The following ADCY8 variants were observed in gnomAD, a reference collection of about 807,000 sequenced individuals.
ADCY8 encodes the protein adenylate cyclase 8, also known as adenylate cyclase type 8.
A neutral mutation model predicts 119.7 loss-of-function variants in ADCY8; 51 were observed. The observed-to-expected ratio is 0.43, with a 90% CI of 0.34 to 0.54. The LOEUF is 0.54. ADCY8 is among the 20% of genes least tolerant of loss of function. The pLI, the probability that ADCY8 is intolerant of heterozygous loss-of-function variation, is 0.03. For missense variants in ADCY8, 1,383 were observed against 1,598.8 expected, an observed-to-expected ratio of 0.87 and a Z score of 2.30; for synonymous variants, 665 against 651.0, an observed-to-expected ratio of 1.02 and a Z score of -0.33.
chr8:130,934,606 A>G (rs1210560068), intron 5 of ADCY8, among the ~76,000 whole-genome samples: 1 of 152,180 alleles, frequency 6.6e-6, no homozygotes, highest in African/African-American at 2.4e-5. Flanking sequence ...TATTATTACA[A>G]TTCATCCTAG....
intron 11 of ADCY8, among the ~76,000 whole-genome samples, chr8:130,837,571 T>C (rs1817027263): frequency 6.6e-6 from 1 of 152,226 alleles, no homozygotes. Context: ...AGAGCTGGAA[T>C]ATTAGAGTAG....
chr8:130,935,875 C>T (rs180879198), intron 5 of ADCY8, among the ~76,000 whole-genome samples: 1 of 152,258 alleles, frequency 6.6e-6, no homozygotes, highest in African/African-American at 2.4e-5. Context: ...ATCTGTGAAG[C>T]TACATTTTGA....
chr8:130,994,151 G>C (rs1428979306), intron 1 of ADCY8, among the ~76,000 whole-genome samples: 2 of 152,210 alleles, frequency 1.3e-5, no homozygotes, highest in South Asian at 4.1e-4. Flanking sequence ...AATGATATTG[G>C]CTATTGTTTC....
intron 1 of ADCY8, among the ~76,000 whole-genome samples, chr8:131,029,648 T>G (rs1823934871): frequency 6.6e-6 from 1 of 152,242 alleles, no homozygotes; most frequent in Non-Finnish European, 1.5e-5. Flanking sequence ...TTAAATGATC[T>G]GGATAATTAC....
intron 13 of ADCY8, among the ~76,000 whole-genome samples, chr8:130,820,893 T>G (rs1586447465): frequency 6.6e-6 from 1 of 152,310 alleles, no homozygotes. Context: ...ACTAATTTAT[T>G]TTAGAGTTGA....
chr8:130,970,599 C>T (rs944037701), intron 2 of ADCY8, among the ~76,000 whole-genome samples: 2 of 152,312 alleles, frequency 1.3e-5, no homozygotes, highest in East Asian at 1.9e-4. Context: ...TCCCCCTCCA[C>T]CCTGGTGTGT....
intron 3 of ADCY8, among the ~76,000 whole-genome samples, chr8:130,950,038 C>T (rs942834346): frequency 7.2e-5 from 11 of 152,190 alleles, no homozygotes; most frequent in African/African-American, 2.4e-4. Flanking sequence ...AATTTTAAAA[C>T]GCGTGTTCCT....
intron 15 of ADCY8, among the ~76,000 whole-genome samples, chr8:130,799,705 GC>G (rs1815706390): frequency 6.6e-6 from 1 of 152,212 alleles, no homozygotes; most frequent in South Asian, 2.1e-4. Flanking sequence ...CAAAAGCCTG[GC>G]CCCCTGCCTC....
rs188352268 is a variant in ADCY8, at chr8:130,958,992, C to T, written c.1111-6994G>A. On this transcript the variant is annotated intron_variant, in intron 2 of 17. Coordinates refer to ENST00000286355, the MANE Select transcript of ADCY8 (RefSeq NM_001115.3). Reference sequence around the variant, plus strand: ...AGAATAACACCTGGTTTATATAGGGCCTCAATATATATTTGTTGTAGGATT... The same window carrying T: ...AGAATAACACCTGGTTTATATAGGGTCTCAATATATATTTGTTGTAGGATT... 7.2e-3 allele frequency among the ~76,000 whole-genome samples: 1,092 copies of T among 152,192 alleles called. 18 individuals are homozygous for T. Among genetic ancestry groups the T allele is most frequent in the African/African-American group, 0.024 (1,012 of 41,516 alleles).
intron 5 of ADCY8, among the ~76,000 whole-genome samples, chr8:130,918,180 C>T (rs149315390): frequency 7.2e-5 from 11 of 152,304 alleles, no homozygotes; most frequent in African/African-American, 2.4e-4. Flanking sequence ...ATGGCATAAA[C>T]AAGAGGAATG....
At chr8:130,943,040 G>A (rs1218874777) in intron 4 of ADCY8, among the ~76,000 whole-genome samples, 2 of 152,180 alleles carry the variant, frequency 1.3e-5, no homozygotes, top group Non-Finnish European at 2.9e-5. Flanking sequence ...GCTGCAGCTG[G>A]ATGGCACCTG....
chr8:130,811,653 AG>A lies in ADCY8; in HGVS notation c.2913+2415del, dbSNP rs1220304458. Among the ~76,000 whole-genome samples, 6 of 152,342 alleles carry A rather than the reference AG, an allele frequency of 3.9e-5. No homozygotes were observed. In the East Asian group the frequency reaches 1.2e-3, roughly 29 times the overall value. The stretch of plus-strand genomic sequence containing the variant: ...CTTTCCCAAGTTAAATGCCTCAGCA[AG>A]GGAGCCCACTACTCCAGTTCATCCA... On this transcript the variant is annotated intron_variant, in intron 14 of 17. Transcript: ENST00000286355.
At chr8:130,979,964 A>G (rs1822189447) in intron 2 of ADCY8, among the ~76,000 whole-genome samples, 1 of 152,158 alleles carries the variant, frequency 6.6e-6, no homozygotes, top group African/African-American at 2.4e-5. Context: ...AACAATAGAA[A>G]TGTATTCTCC....
intron 11 of ADCY8, among the ~76,000 whole-genome samples, chr8:130,838,402 G>T (rs908807162): frequency 1.3e-5 from 2 of 152,172 alleles, no homozygotes; most frequent in Non-Finnish European, 2.9e-5. Flanking sequence ...TCTTGGGGAA[G>T]ATTTTTAGGT....
intron 5 of ADCY8, among the ~76,000 whole-genome samples, chr8:130,913,990 A>G (rs184595913): frequency 1.5e-3 from 228 of 152,342 alleles, no homozygotes; most frequent in African/African-American, 5.3e-3. Context: ...AAGTGAATAA[A>G]CACATGCAGG....
chr8:131,031,555 T>A (rs1180236571), intron 1 of ADCY8, among the ~76,000 whole-genome samples: 1 of 152,200 alleles, frequency 6.6e-6, no homozygotes, highest in Non-Finnish European at 1.5e-5. Context: ...TCCCAAACGT[T>A]ACAGTGGGGC....
intron 14 of ADCY8, among the ~76,000 whole-genome samples, chr8:130,811,778 G>A (rs1465772035): frequency 6.6e-6 from 1 of 152,160 alleles, no homozygotes; most frequent in Non-Finnish European, 1.5e-5. Context: ...AGGATGAGAT[G>A]GCCTGATGGC....
intron 5 of ADCY8, among the ~76,000 whole-genome samples, chr8:130,923,469 C>A (rs1401132481): frequency 2.0e-5 from 3 of 152,182 alleles, no homozygotes; most frequent in Non-Finnish European, 4.4e-5. Context: ...CTGTTGGGGA[C>A]AAACCAGTTA....
intron 14 of ADCY8, among the ~76,000 whole-genome samples, chr8:130,810,635 G>T (rs1264181400): frequency 1.3e-5 from 2 of 152,206 alleles, no homozygotes; most frequent in African/African-American, 2.4e-5. Context: ...CATGGAGTAG[G>T]TGTTCAGTAA....
Sources: gnomAD v4.1 joint callset for allele counts (sites outside exome capture counted in the v4.1 genomes callset) on GRCh38, gnomAD v4.1.1 for gene constraint, MANE v1.5 for transcripts, NCBI Gene and HGNC (gene_info 2026-07-23, HGNC 2026-07-21) for gene names.